OCA2: variants seen among roughly 807,000 people sequenced by gnomAD.
OCA2 encodes the protein P protein.
In OCA2, 77 loss-of-function variants were observed where a neutral mutation model predicts 100.2. The ratio of observed to expected loss-of-function variants is 0.77; its 90% confidence interval spans 0.64 to 0.93. The LOEUF (loss-of-function observed/expected upper bound fraction) is 0.93, where lower values mean the gene tolerates loss of function less well. Among genes scored for constraint, OCA2 ranks in the 40% least tolerant of loss-of-function variants. The probability of loss-of-function intolerance (pLI) is 0.00; values close to 1 mark genes in which losing one functional copy is unlikely to be tolerated. For synonymous variants in OCA2, 432 were observed against 439.2 expected, an observed-to-expected ratio of 0.98 and a Z score of 0.21; for missense variants, 1,062 against 1,089.1, an observed-to-expected ratio of 0.98 and a Z score of 0.35.
chr15:27,771,834 A>T (rs973011848), intron 23 of OCA2, among the ~76,000 whole-genome samples: 11 of 152,130 alleles, frequency 7.2e-5, no homozygotes, highest in Non-Finnish European at 1.0e-4. Context: ...TGTACTATCA[A>T]TAATGTTTAC....
chr15:27,997,240 G>GGAAAGAAA (rs35919216), intron 9 of OCA2, among the ~76,000 whole-genome samples: 2,771 of 145,502 alleles, frequency 0.019, 57 homozygotes, highest in African/African-American at 0.048. Flanking sequence ...GAAGGAAGGA[G>GGAAAGAAA]GAAAGAAAGA....
intron 18 of OCA2, among the ~76,000 whole-genome samples, chr15:27,929,370 T>G (rs2039161441): frequency 6.6e-6 from 1 of 152,208 alleles, no homozygotes; most frequent in African/African-American, 2.4e-5. Flanking sequence ...TTGCAAAGAT[T>G]CAATGGTGGT....
intron 1 of OCA2, among the ~76,000 whole-genome samples, chr15:28,092,965 T>A (rs751958556): frequency 1.3e-5 from 2 of 151,220 alleles, no homozygotes; most frequent in Non-Finnish European, 2.9e-5. Context: ...CTCTCACCAC[T>A]CCTAAACAAT....
intron 19 of OCA2, among the ~76,000 whole-genome samples, chr15:27,877,682 A>G (rs775167932): frequency 6.6e-6 from 1 of 152,058 alleles, no homozygotes; most frequent in Non-Finnish European, 1.5e-5. Flanking sequence ...ACATATCTCT[A>G]TGCTTAATTT....
At chr15:27,736,516 A>G in the OCA2 span, among the ~76,000 whole-genome samples, 1 of 152,360 alleles carries the variant, frequency 6.6e-6, no homozygotes, top group African/African-American at 2.4e-5. Context: ...TCTTGGGGCT[A>G]GAAAAATAAA....
At chr15:28,077,758 C>CA (rs1226168097) in intron 2 of OCA2, among the ~76,000 whole-genome samples, 29 of 152,244 alleles carry the variant, frequency 1.9e-4, no homozygotes, top group African/African-American at 6.3e-4. Context: ...TGATAAGACG[C>CA]AAAAAACCAC....
At chr15:27,755,568 T>C (rs2030287304) in intron 23 of OCA2, 96 bp from the exon 24 acceptor site, 2 of 949,278 alleles carry the variant, frequency 2.1e-6, no homozygotes, top group South Asian at 2.7e-5. Flanking sequence ...CTTAGCACCT[T>C]TGCATTTTCA....
At chr15:28,074,717 G>A (rs1344120812) in intron 2 of OCA2, among the ~76,000 whole-genome samples, 4 of 149,938 alleles carry the variant, frequency 2.7e-5, no homozygotes, top group Admixed American at 1.3e-4. Context: ...TGCAGTGGTG[G>A]GCACCTATAA....
intron 23 of OCA2, among the ~76,000 whole-genome samples, chr15:27,770,209 G>A (rs895792607): frequency 2.6e-5 from 4 of 152,234 alleles, no homozygotes; most frequent in African/African-American, 9.6e-5. Context: ...AGCGTTTCCA[G>A]GCGGGCGGAG....
intron 2 of OCA2, among the ~76,000 whole-genome samples, chr15:28,065,856 T>C (rs995327029): frequency 2.6e-5 from 4 of 152,206 alleles, no homozygotes; most frequent in African/African-American, 9.6e-5. Context: ...AATTTAATCC[T>C]AAAAATGTGA....
At chr15:27,838,932 C>G (rs1231691491) in intron 23 of OCA2, among the ~76,000 whole-genome samples, 2 of 152,106 alleles carry the variant, frequency 1.3e-5, no homozygotes, top group African/African-American at 4.8e-5. Context: ...GCAAAAGGGC[C>G]AATGGTGAGC....
At chr15:27,864,899 A>T (rs2036263939) in intron 21 of OCA2, among the ~76,000 whole-genome samples, 1 of 151,938 alleles carries the variant, frequency 6.6e-6, no homozygotes, top group Non-Finnish European at 1.5e-5. Context: ...ATGGAGCCCT[A>T]AGAACGCCAC....
chr15:27,983,365 T>C lies in OCA2; in HGVS notation c.1483A>G (p.Asn495Asp), dbSNP rs202126510. The part of the protein sequence containing the change: ...GDPPNVIIVS[N>D]QELRKMGLDF... ...CGTACCATCTTCCTCAGCTCTTGGT[T>C]GGAAACAATAATGACATTTGGAGGG... The change falls in exon 14 of 24, where the codon AAC becomes GAC. Residue 495 changes from asparagine (N) to aspartate (D), a missense_variant. Coordinates refer to ENST00000354638, the MANE Select transcript of OCA2 (RefSeq NM_000275.3). 4.2e-5 allele frequency: 67 copies of C among 1,614,120 alleles called. No individual in the cohort carries two copies. The highest frequency in any genetic ancestry group is 5.3e-5 in the Non-Finnish European group (63 of 1,180,038).
At chr15:27,908,472 T>A (rs1265751311) in intron 19 of OCA2, among the ~76,000 whole-genome samples, 1 of 152,218 alleles carries the variant, frequency 6.6e-6, no homozygotes, top group Non-Finnish European at 1.5e-5. Flanking sequence ...ATTTCCACTA[T>A]GTCAGTGTGT....
the OCA2 span, among the ~76,000 whole-genome samples, chr15:27,748,127 A>C: frequency 2.0e-5 from 3 of 152,218 alleles, no homozygotes; most frequent in African/African-American, 7.2e-5. Flanking sequence ...TCAGCCCAGA[A>C]GAACCAACTA....
rs1426104743 is a variant in OCA2 at position 27,957,070 on chromosome 15, T to C, written c.1784+518A>G. 1.3e-5 allele frequency among the ~76,000 whole-genome samples: 2 copies of C among 152,212 alleles called. No individual in the cohort carries two copies. The highest frequency in any genetic ancestry group is 2.4e-5 in the African/African-American group (1 of 41,452). On this transcript the variant is annotated intron_variant, in intron 16 of 23. Transcript: ENST00000354638. The surrounding 1 kb of genome is among the most constrained non-coding windows in gnomAD (Gnocchi z 4.3). The stretch of plus-strand genomic sequence containing the variant: ...AAAGACTGCTTGGAACTCAGCAACA[T>C]GTCATAGCAAGGAGAAAAACCACCA...
chr15:27,965,853 T>C (rs1398900778), intron 15 of OCA2, among the ~76,000 whole-genome samples: 3 of 152,238 alleles, frequency 2.0e-5, no homozygotes, highest in Non-Finnish European at 4.4e-5. Context: ...TAATCAGTAA[T>C]GATCTCAGTA....
rs368311380 is a variant in OCA2 at position 28,018,097 on chromosome 15, CA to C, written c.807+299del. On this transcript the variant is annotated intron_variant, in intron 7 of 23. Transcript: ENST00000354638. ...GGACTTAACTGCACTTCAACGACAC[CA>C]AAAAAAAAAAAAAAAGTTTTTTCAT... is the stretch of plus-strand genomic sequence containing the variant. Among the ~76,000 whole-genome samples the C allele has an allele frequency of 0.087, 10,024 of 114,730 alleles. 367 individuals are homozygous for C. The highest frequency in any genetic ancestry group is 0.17 in the South Asian group (623 of 3,690). 75.3% of individuals were successfully genotyped at this position (114,730 alleles called of 152,430 possible).
At chr15:28,003,654 GC>G (rs2041997660) in intron 9 of OCA2, among the ~76,000 whole-genome samples, 1 of 151,650 alleles carries the variant, frequency 6.6e-6, no homozygotes, top group Non-Finnish European at 1.5e-5. Flanking sequence ...AGGGCAGTGT[GC>G]CCCCCGAACG....
Sources: gnomAD v4.1 joint callset for allele counts (sites outside exome capture counted in the v4.1 genomes callset) on GRCh38, gnomAD v4.1.1 for gene constraint, Gnocchi (gnomAD v3.1) non-coding constraint, MANE v1.5 for transcripts, NCBI Gene and HGNC (gene_info 2026-07-23, HGNC 2026-07-21) for gene names.